ZFAND3: variants seen among roughly 807,000 people sequenced by gnomAD.
ZFAND3 encodes AN1-type zinc finger protein 3.
Under a neutral mutation model 29.6 loss-of-function variants are expected in ZFAND3, and 10 were observed. The ratio of observed to expected loss-of-function variants is 0.34; its 90% CI spans 0.21 to 0.57. The LOEUF (loss-of-function observed/expected upper bound fraction) is 0.57. Among genes scored for constraint, ZFAND3 ranks in the 20% least tolerant of loss-of-function variants. The pLI is 0.86. For synonymous variants in ZFAND3, 128 were observed against 112.6 expected (o/e 1.14, Z -0.87); for missense variants, 230 against 304.5 (o/e 0.76, Z 1.82).
intron 3 of ZFAND3, among the ~76,000 whole-genome samples, chr6:38,069,019 T>C (rs1232100138): frequency 2.6e-5 from 4 of 152,212 alleles, no homozygotes; most frequent in Non-Finnish European, 4.4e-5. Flanking sequence ...TGAACATCCA[T>C]TGGGCGTCAT....
At chr6:37,966,577 A>G (rs1282197721) in intron 2 of ZFAND3, among the ~76,000 whole-genome samples, 2 of 152,018 alleles carry the variant, frequency 1.3e-5, no homozygotes, top group Non-Finnish European at 2.9e-5. Context: ...GGATTTTCTC[A>G]TAAGTGGATT....
intron 5 of ZFAND3, among the ~76,000 whole-genome samples, chr6:38,128,423 G>A (rs1237066056): frequency 6.6e-6 from 1 of 152,124 alleles, no homozygotes; most frequent in Non-Finnish European, 1.5e-5. Flanking sequence ...AGATTCTGGT[G>A]CACCCATCAC....
intron 1 of ZFAND3, among the ~76,000 whole-genome samples, chr6:37,868,982 A>G (rs1410476756): frequency 6.6e-6 from 1 of 152,212 alleles, no homozygotes; most frequent in African/African-American, 2.4e-5. Context: ...GCATTTGATA[A>G]CAAATTCAGT....
chr6:37,896,506 C>T (rs1383307064), intron 1 of ZFAND3, among the ~76,000 whole-genome samples: 1 of 143,836 alleles, frequency 7.0e-6, no homozygotes, highest in South Asian at 2.2e-4. Context: ...TAATTTTTTT[C>T]CTCTTTCTTT....
chr6:37,936,279 C>T (rs1434841225), intron 2 of ZFAND3, among the ~76,000 whole-genome samples: 1 of 152,220 alleles, frequency 6.6e-6, no homozygotes, highest in Non-Finnish European at 1.5e-5. Flanking sequence ...CTATCCCCCA[C>T]AAACCCTTGG....
chr6:38,076,555 T>A (rs574999667), intron 3 of ZFAND3, among the ~76,000 whole-genome samples: 7 of 152,194 alleles, frequency 4.6e-5, no homozygotes, highest in Non-Finnish European at 1.0e-4. Context: ...CTAATTTAGA[T>A]TTAAATAGTG....
intron 2 of ZFAND3, among the ~76,000 whole-genome samples, chr6:38,053,019 G>A (rs555051716): frequency 2.1e-5 from 3 of 146,158 alleles, no homozygotes; most frequent in African/African-American, 5.1e-5. Flanking sequence ...GGGCGACAGC[G>A]CAAGACTCCA....
intron 1 of ZFAND3, among the ~76,000 whole-genome samples, chr6:37,902,218 C>G: frequency 6.6e-6 from 1 of 151,918 alleles, no homozygotes; most frequent in Admixed American, 6.6e-5. Flanking sequence ...GGAGGCCAAG[C>G]CAGGAGGATT....
chr6:37,861,514 A>G lies in ZFAND3; in HGVS notation c.71+41498A>G, dbSNP rs1581716100. Reference sequence around the variant, plus strand: ...GGTACAGTGAAAAAAGAACTGTTTCAGGGGCTTTACGTACTTACTTGATTT... The same window carrying G: ...GGTACAGTGAAAAAAGAACTGTTTCGGGGGCTTTACGTACTTACTTGATTT... On this transcript the variant is annotated intron_variant, in intron 1 of 5. Coordinates refer to ENST00000287218, the MANE Select transcript of ZFAND3 (RefSeq NM_021943.3). Among the ~76,000 whole-genome samples, 4 of 152,314 alleles carry G rather than the reference A, an allele frequency of 2.6e-5. No homozygotes were observed. The South Asian group carries it at 8.3e-4, about 32-fold the overall frequency.
chr6:37,922,181 C>T (rs564490496), intron 1 of ZFAND3, among the ~76,000 whole-genome samples: 1 of 152,032 alleles, frequency 6.6e-6, no homozygotes, highest in East Asian at 1.9e-4. Context: ...CCAAAATATA[C>T]TTTTTCATCT....
chr6:37,892,840 A>G (rs929744746), intron 1 of ZFAND3, among the ~76,000 whole-genome samples: 1 of 152,218 alleles, frequency 6.6e-6, no homozygotes, highest in East Asian at 1.9e-4. Flanking sequence ...ACACCAGCAG[A>G]TTATATAACT....
intron 5 of ZFAND3, among the ~76,000 whole-genome samples, chr6:38,124,715 G>A (rs1487489951): frequency 6.6e-6 from 1 of 152,200 alleles, no homozygotes; most frequent in East Asian, 1.9e-4. Flanking sequence ...ACACCTCCCT[G>A]CAAGCTGAGG....
chr6:38,016,280 C>T (rs1329923869), intron 2 of ZFAND3, among the ~76,000 whole-genome samples: 1 of 152,174 alleles, frequency 6.6e-6, no homozygotes, highest in African/African-American at 2.4e-5. Context: ...GTAATACCCA[C>T]TCAATATATG....
intron 4 of ZFAND3, among the ~76,000 whole-genome samples, chr6:38,114,019 G>C (rs1011875192): frequency 6.6e-6 from 1 of 152,220 alleles, no homozygotes; most frequent in Non-Finnish European, 1.5e-5. Context: ...AGGTGTGCTG[G>C]CATTGTGCCA....
chr6:37,958,848 C>T (rs971108914), intron 2 of ZFAND3, among the ~76,000 whole-genome samples: 1 of 152,144 alleles, frequency 6.6e-6, no homozygotes, highest in African/African-American at 2.4e-5. Context: ...AAATTTCTCC[C>T]CAAACCTTGC....
Position 37,866,738 on chromosome 6 carries a change from T to C in ZFAND3, c.71+46722T>C, listed in dbSNP as rs559404030. Among the ~76,000 whole-genome samples, 33 of 148,764 alleles carry C rather than the reference T, an allele frequency of 2.2e-4. 1 individual carries two copies. In the South Asian group the frequency reaches 6.7e-3, roughly 30 times the overall value. On this transcript the variant is annotated intron_variant, in intron 1 of 5. Coordinates refer to ENST00000287218, the MANE Select transcript of ZFAND3 (RefSeq NM_021943.3). Reference sequence around the variant, plus strand: ...TGTATTATCCAGTGACCTTTGAATTTTCTGTGTCACTTAAAGAAAAGAGGT... The same window carrying C: ...TGTATTATCCAGTGACCTTTGAATTCTCTGTGTCACTTAAAGAAAAGAGGT...
chr6:38,002,542 G>A (rs964973480), intron 2 of ZFAND3, among the ~76,000 whole-genome samples: 1 of 151,856 alleles, frequency 6.6e-6, no homozygotes, highest in Admixed American at 6.6e-5. Flanking sequence ...AGCCTGGCTC[G>A]GTGTTGTGCC....
intron 1 of ZFAND3, among the ~76,000 whole-genome samples, chr6:37,845,725 C>T (rs549447495): frequency 6.6e-6 from 1 of 152,262 alleles, no homozygotes; most frequent in East Asian, 1.9e-4. Flanking sequence ...TTGTACTCAG[C>T]GTCCTTGGAA....
chr6:37,939,326 CAT>C (rs1203977948), intron 2 of ZFAND3, among the ~76,000 whole-genome samples: 1 of 152,194 alleles, frequency 6.6e-6, no homozygotes, highest in Non-Finnish European at 1.5e-5. Context: ...TGCTCATAGA[CAT>C]ATCATTCTAG....
Sources: gnomAD v4.1 joint callset for allele counts (sites outside exome capture counted in the v4.1 genomes callset) on GRCh38, gnomAD v4.1.1 for gene constraint, MANE v1.5 for transcripts, NCBI Gene and HGNC (gene_info 2026-07-23, HGNC 2026-07-21) for gene names.